Variants in CSGALNACT1 observed in about 807,000 individuals in gnomAD.
CSGALNACT1 encodes the protein beta4GalNAcT-1.
In CSGALNACT1, 52 loss-of-function variants were observed where a neutral mutation model predicts 51.0. That is an observed-to-expected ratio of 1.02 (90% CI 0.82 to 1.29). The LOEUF (loss-of-function observed/expected upper bound fraction) is 1.29, where lower values mean the gene tolerates loss of function less well. Ranked by LOEUF, CSGALNACT1 falls within the 50% of genes most tolerant of loss-of-function variation. The probability of loss-of-function intolerance (pLI) is 0.00; values close to 1 mark genes in which losing one functional copy is unlikely to be tolerated. For missense variants in CSGALNACT1, 935 were observed against 679.2 expected (o/e 1.38, Z -4.19); for synonymous variants, 341 against 254.4 (o/e 1.34, Z -3.24).
intron 2 of CSGALNACT1, among the ~76,000 whole-genome samples, chr8:19,598,800 A>C (rs1267911675): frequency 1.3e-5 from 2 of 152,230 alleles, no homozygotes; most frequent in East Asian, 3.9e-4. Context: ...ACACGTGCCC[A>C]TAAGAAGAAT....
chr8:19,557,911 C>G (rs765450014), intron 3 of CSGALNACT1, among the ~76,000 whole-genome samples: 36 of 152,188 alleles, frequency 2.4e-4, no homozygotes, highest in Non-Finnish European at 3.5e-4. Flanking sequence ...ACTTGTGATA[C>G]TGTTTGAAAC....
chr8:19,497,741 G>C (rs1252952765), intron 4 of CSGALNACT1, among the ~76,000 whole-genome samples: 1 of 152,108 alleles, frequency 6.6e-6, no homozygotes, highest in Non-Finnish European at 1.5e-5. Context: ...AAGCTAAAGA[G>C]AAAAGTCAAA....
chr8:19,540,573 A>G (rs151255468), intron 3 of CSGALNACT1, among the ~76,000 whole-genome samples: 31 of 152,344 alleles, frequency 2.0e-4, no homozygotes, highest in Middle Eastern at 3.4e-3. Context: ...GAAAAGCAAC[A>G]TAAGGAAAAA....
intron 5 of CSGALNACT1, among the ~76,000 whole-genome samples, chr8:19,454,038 G>A (rs763767907): frequency 3.3e-5 from 5 of 152,206 alleles, no homozygotes; most frequent in Admixed American, 6.5e-5. Flanking sequence ...GGCAAAAGCC[G>A]TTTACGAGAG....
intron 1 of CSGALNACT1, among the ~76,000 whole-genome samples, chr8:19,698,051 T>C (rs2061669847): frequency 6.9e-6 from 1 of 144,026 alleles, no homozygotes; most frequent in Non-Finnish European, 1.5e-5. Flanking sequence ...ACAGTGTTAT[T>C]CATGGGAGCT....
chr8:19,666,787 GAAAGAAAGAAAGAAAGAA>G (rs1564382806), intron 1 of CSGALNACT1, among the ~76,000 whole-genome samples: 6 of 20,734 alleles, frequency 2.9e-4, no homozygotes, highest in Non-Finnish European at 5.7e-4. Context: ...AAGAAAGAAA[GAAAGAAAGAAAGAAAGAA>G]AGAAAGAGAG....
chr8:19,527,753 G>A (rs1374783747), intron 3 of CSGALNACT1, among the ~76,000 whole-genome samples: 4 of 152,188 alleles, frequency 2.6e-5, no homozygotes, highest in African/African-American at 4.8e-5. Context: ...GGGTCAGGCT[G>A]TAGAAAACCA....
At chr8:19,521,575 C>T (rs567757757) in intron 3 of CSGALNACT1, among the ~76,000 whole-genome samples, 110 of 152,146 alleles carry the variant, frequency 7.2e-4, no homozygotes, top group Non-Finnish European at 1.4e-3. Flanking sequence ...CCCAGCTATT[C>T]AGGAGGCTGA....
At chr8:19,580,412 T>C (rs78672434) in intron 3 of CSGALNACT1, among the ~76,000 whole-genome samples, 2,115 of 152,320 alleles carry the variant, frequency 0.014, 62 homozygotes, top group African/African-American at 0.048. Flanking sequence ...AGAGTCCTGG[T>C]AAATACTTCA....
In CSGALNACT1 at chr8:19,657,185, T is replaced by C. The variant is rs567392853; in HGVS notation, c.-544+25288A>G. On this transcript the variant is annotated intron_variant, in intron 1 of 9. Coordinates refer to the CSGALNACT1 transcript ENST00000332246. ...AAGAGACAATTTGTGCACTTGGAGA[T>C]AGAGCTGTAGAAATCCAGAATAAAC... Among the ~76,000 whole-genome samples, 10 of 150,746 alleles carry C rather than the reference T, an allele frequency of 6.6e-5. No homozygotes were observed. In the East Asian group the frequency reaches 8.0e-4, roughly 12 times the overall value.
At chr8:19,529,063 AG>A (rs1323033494) in intron 3 of CSGALNACT1, among the ~76,000 whole-genome samples, 5 of 152,218 alleles carry the variant, frequency 3.3e-5, no homozygotes, top group African/African-American at 1.2e-4. Flanking sequence ...ACCTTTAAAA[AG>A]AAGGATTCAG....
chr8:19,572,093 C>T (rs1201378892), intron 3 of CSGALNACT1, among the ~76,000 whole-genome samples: 1 of 152,158 alleles, frequency 6.6e-6, no homozygotes, highest in African/African-American at 2.4e-5. Flanking sequence ...GCAAAGTCTG[C>T]CAGTCAACCA....
chr8:19,456,430 A>T (rs935262979), intron 5 of CSGALNACT1, among the ~76,000 whole-genome samples: 3 of 152,228 alleles, frequency 2.0e-5, no homozygotes, highest in African/African-American at 7.2e-5. Flanking sequence ...CTCGTCCTAG[A>T]AATGGGCATT....
At chr8:19,716,427 A>G (rs1564464035) in intron 1 of CSGALNACT1, among the ~76,000 whole-genome samples, 3 of 151,886 alleles carry the variant, frequency 2.0e-5, no homozygotes, top group Non-Finnish European at 1.5e-5. Context: ...CTTTTATCTC[A>G]ACCAAAACCA....
chr8:19,477,318 G>T (rs998424019), intron 4 of CSGALNACT1, among the ~76,000 whole-genome samples: 2 of 152,158 alleles, frequency 1.3e-5, no homozygotes, highest in Non-Finnish European at 2.9e-5. Flanking sequence ...TCAGAAAAAA[G>T]TTCTGGGTCC....
intron 3 of CSGALNACT1, among the ~76,000 whole-genome samples, chr8:19,520,036 G>A (rs923491982): frequency 1.3e-5 from 2 of 152,214 alleles, no homozygotes; most frequent in African/African-American, 4.8e-5. Flanking sequence ...CGTGTTCTAG[G>A]TGAGAGGGGT....
intron 6 of CSGALNACT1, among the ~76,000 whole-genome samples, chr8:19,428,106 C>T (rs2059061313): frequency 6.6e-6 from 1 of 152,156 alleles, no homozygotes; most frequent in South Asian, 2.1e-4. Flanking sequence ...TGCCATTTCT[C>T]CTTGCTCTGT....
chr8:19,693,210 C>T (rs1454307426), intron 1 of CSGALNACT1, among the ~76,000 whole-genome samples: 3 of 152,076 alleles, frequency 2.0e-5, no homozygotes, highest in African/African-American at 4.8e-5. Context: ...AGAGAATTTC[C>T]TCCCCTGCCT....
exon 10 of CSGALNACT1, chr8:19,404,542 G>A (rs1412112482): frequency 8.8e-6 from 4 of 453,544 alleles, no homozygotes; most frequent in South Asian, 6.2e-5. Context: ...ACCTGGCCTG[G>A]GGTGGATAAC....
Sources: gnomAD v4.1 joint callset for allele counts (sites outside exome capture counted in the v4.1 genomes callset) on GRCh38, gnomAD v4.1.1 for gene constraint, MANE v1.5 for transcripts, NCBI Gene and HGNC (gene_info 2026-07-23, HGNC 2026-07-21) for gene names.